Variants in RFX4 observed in about 807,000 individuals in gnomAD.
RFX4 encodes the protein transcription factor RFX4.
In RFX4, 10 loss-of-function variants were observed where a neutral mutation model predicts 95.0. The observed-to-expected ratio is 0.11, with a 90% CI of 0.06 to 0.18. The LOEUF (loss-of-function observed/expected upper bound fraction) is 0.18. Ranked by LOEUF, RFX4 falls within the 10% of genes least tolerant of loss-of-function variation. The pLI is 1.00. For missense variants in RFX4, 640 were observed against 922.0 expected, an observed-to-expected ratio of 0.69 and a Z score of 3.96; for synonymous variants, 321 against 340.7, an observed-to-expected ratio of 0.94 and a Z score of 0.64.
chr12:106,654,388 C>T (rs1389772691), intron 4 of RFX4, 37 bp downstream of exon 4: 5 of 1,586,006 alleles, frequency 3.2e-6, no homozygotes, highest in African/African-American at 1.4e-5. Context: ...CTCCCTACCA[C>T]CCCAACTTTA....
chr12:106,606,215 A>G (rs961496054), intron 1 of RFX4, among the ~76,000 whole-genome samples: 1 of 152,090 alleles, frequency 6.6e-6, no homozygotes, highest in Admixed American at 6.6e-5. Context: ...AATGGGTGAG[A>G]GGGAGAGTGT....
intron 2 of RFX4, among the ~76,000 whole-genome samples, chr12:106,611,202 T>C (rs568470406): frequency 6.6e-6 from 1 of 152,364 alleles, no homozygotes; most frequent in South Asian, 2.1e-4. Flanking sequence ...TCACATATTC[T>C]GGATCTTAAC....
At chr12:106,708,590 TG>T (rs1391551970) in intron 8 of RFX4, among the ~76,000 whole-genome samples, 2 of 152,072 alleles carry the variant, frequency 1.3e-5, no homozygotes, top group African/African-American at 2.4e-5. Flanking sequence ...AAGGCAAGGA[TG>T]GATGGTCAAT....
intron 3 of RFX4, among the ~76,000 whole-genome samples, chr12:106,640,273 C>T (rs866339326): frequency 1.5e-4 from 23 of 152,166 alleles, no homozygotes; most frequent in African/African-American, 5.3e-4. Context: ...CAGGAAGTGG[C>T]TGGGTCTCTT....
intron 3 of RFX4, among the ~76,000 whole-genome samples, chr12:106,643,710 CT>C (rs1174525412): frequency 6.6e-6 from 1 of 151,832 alleles, no homozygotes; most frequent in Non-Finnish European, 1.5e-5. Flanking sequence ...TTTTCTTCTT[CT>C]TTTGCTAGCT....
intron 2 of RFX4, among the ~76,000 whole-genome samples, chr12:106,636,036 T>C (rs1169987741): frequency 6.6e-6 from 1 of 152,154 alleles, no homozygotes. Context: ...AAATACTAAG[T>C]GGAAGGCACT....
intron 4 of RFX4, among the ~76,000 whole-genome samples, chr12:106,675,903 G>T (rs1321816774): frequency 6.6e-6 from 1 of 152,168 alleles, no homozygotes; most frequent in Non-Finnish European, 1.5e-5. Flanking sequence ...GAGGTAAGCT[G>T]GAACAAAGGC....
At chr12:106,594,553 G>A (rs1225382623) in intron 1 of RFX4, among the ~76,000 whole-genome samples, 1 of 152,170 alleles carries the variant, frequency 6.6e-6, no homozygotes, top group Non-Finnish European at 1.5e-5. Flanking sequence ...CCAGGCTGCG[G>A]GGCATTCTCG....
chr12:106,623,411 T>C (rs1218813622), intron 2 of RFX4, among the ~76,000 whole-genome samples: 1 of 152,086 alleles, frequency 6.6e-6, no homozygotes, highest in Non-Finnish European at 1.5e-5. Flanking sequence ...CCACTGGAGA[T>C]TTCATAATTT....
intron 3 of RFX4, among the ~76,000 whole-genome samples, chr12:106,641,887 G>A (rs1235014983): frequency 2.6e-5 from 4 of 151,998 alleles, no homozygotes; most frequent in African/African-American, 9.7e-5. Context: ...GGTGGATAAG[G>A]TAGACCAAGA....
At chr12:106,657,039 G>C (rs1269232048) in intron 4 of RFX4, among the ~76,000 whole-genome samples, 1 of 152,212 alleles carries the variant, frequency 6.6e-6, no homozygotes, top group Non-Finnish European at 1.5e-5. Flanking sequence ...CAGAGGACAG[G>C]AGCTGCCTGC....
Position 106,608,780 on chromosome 12 carries a change from C to CTTTTTTTTTTTTTTTTTTTTTTTTTTTTT in RFX4, c.44-3_44-2insTTTTTTTTTTTTTTTTTTTTTTTTTTTTT. 7.0e-7 allele frequency: 1 copy of CTTTTTTTTTTTTTTTTTTTTTTTTTTTTT among 1,421,334 alleles called. No individual in the cohort carries two copies. Among genetic ancestry groups the CTTTTTTTTTTTTTTTTTTTTTTTTTTTTT allele is most frequent in the South Asian group, 1.3e-5 (1 of 75,388 alleles). The allele number at this position is 1,421,334 out of a possible 1,614,324, so 88.0% of individuals were successfully genotyped here. On this transcript the variant is annotated splice_polypyrimidine_tract_variant and intron_variant, in intron 1 of 17. Coordinates refer to ENST00000392842, the MANE Select transcript of RFX4 (RefSeq NM_213594.3). Reference sequence around the variant, plus strand: ...TTCTTTTTCTTTTCTTTCTTTCTTTCTTTTTTTTTTTTTTAGAGAGCTGGA... The same window carrying CTTTTTTTTTTTTTTTTTTTTTTTTTTTTT: ...TTCTTTTTCTTTTCTTTCTTTCTTTCTTTTTTTTTTTTTTTTTTTTTTTTTTTTTTTTTTTTTTTTTTTAGAGAGCTGGA...
At chr12:106,703,615 A>G (rs2042030790) in intron 8 of RFX4, among the ~76,000 whole-genome samples, 1 of 152,232 alleles carries the variant, frequency 6.6e-6, no homozygotes, top group South Asian at 2.1e-4. Flanking sequence ...AAAGATTCAC[A>G]TACTTTTAAT....
At chr12:106,728,153 T>C (rs1379452852) in intron 13 of RFX4, among the ~76,000 whole-genome samples, 1 of 152,042 alleles carries the variant, frequency 6.6e-6, no homozygotes. Flanking sequence ...TTCTACCAAA[T>C]GCAATCAACT....
Position 106,668,182 on chromosome 12 carries a change from T to C in RFX4, c.316-13811T>C, listed in dbSNP as rs2041214364. On this transcript the variant is annotated intron_variant, in intron 4 of 17. Coordinates refer to ENST00000392842, the MANE Select transcript of RFX4 (RefSeq NM_213594.3). Reference sequence around the variant, plus strand: ...TTCTTTCTGTCTTTGTGCTCTGCCCTTTCTAGCAGATGGCTTCCAGTTTCT... The same window carrying C: ...TTCTTTCTGTCTTTGTGCTCTGCCCCTTCTAGCAGATGGCTTCCAGTTTCT... Among the ~76,000 whole-genome samples the C allele has an allele frequency of 2.6e-5, 4 of 152,240 alleles. No individual in the cohort carries two copies. In the South Asian group the frequency reaches 8.3e-4, roughly 32 times the overall value.
intron 1 of RFX4, among the ~76,000 whole-genome samples, chr12:106,584,382 A>G (rs1030772848): frequency 1.3e-5 from 2 of 152,004 alleles, no homozygotes; most frequent in Non-Finnish European, 2.9e-5. Context: ...CAGCCTCAGA[A>G]TTTCTTAGGG....
chr12:106,714,529 A>G (rs1592972590), intron 10 of RFX4, among the ~76,000 whole-genome samples: 1 of 152,316 alleles, frequency 6.6e-6, no homozygotes, highest in African/African-American at 2.4e-5. Flanking sequence ...AGACTTGACA[A>G]TGTCTTCGTG....
Position 106,633,226 on chromosome 12 carries a change from G to C in RFX4, c.131-6106G>C, listed in dbSNP as rs557055396. 2.0e-5 allele frequency among the ~76,000 whole-genome samples: 3 copies of C among 152,186 alleles called. No homozygotes were observed. The South Asian group carries it at 6.2e-4, about 32-fold the overall frequency. On this transcript the variant is annotated intron_variant, in intron 2 of 17. Coordinates refer to ENST00000392842, the MANE Select transcript of RFX4 (RefSeq NM_213594.3). ...CAGCACCTGTTTGCTGACTGAGCTG[G>C]AGGGCCCACATTGGCTTTGGGGTAG...
intron 17 of RFX4, among the ~76,000 whole-genome samples, chr12:106,758,677 G>A (rs1338429887): frequency 6.6e-6 from 1 of 152,242 alleles, no homozygotes; most frequent in African/African-American, 2.4e-5. Flanking sequence ...AGTGAAGGAA[G>A]AGGAGCAGAG....
Sources: allele counts gnomAD v4.1 joint callset (sites outside exome capture counted in the v4.1 genomes callset), GRCh38; gene constraint gnomAD v4.1.1; transcripts MANE v1.5; gene names NCBI Gene and HGNC (gene_info 2026-07-23, HGNC 2026-07-21).